CPLANE1: variants seen among roughly 807,000 people sequenced by gnomAD.
CPLANE1 encodes the protein ciliogenesis and planar polarity effector 1.
In CPLANE1, 263 loss-of-function variants were observed where a neutral mutation model predicts 362.5. That is an observed-to-expected ratio of 0.73 (90% CI 0.66 to 0.80). The LOEUF is 0.80. CPLANE1 is among the 30% of genes least tolerant of loss of function. The probability of loss-of-function intolerance (pLI) is 0.00; values close to 1 mark genes in which losing one functional copy is unlikely to be tolerated. For synonymous variants in CPLANE1, 1,212 were observed against 1,302.6 expected (o/e 0.93, Z 1.50); for missense variants, 3,461 against 3,793.4 (o/e 0.91, Z 2.30).
At chr5:37,077,157 G>T in the CPLANE1 span, among the ~76,000 whole-genome samples, 2 of 152,120 alleles carry the variant, frequency 1.3e-5, no homozygotes, top group Non-Finnish European at 2.9e-5. Context: ...CTTGCTTGGG[G>T]TATAGGTGCT....
At chr5:37,148,145 C>G in intron 43 of CPLANE1, 36 bp downstream of exon 43, 1 of 1,512,366 alleles carries the variant, frequency 6.6e-7, no homozygotes, top group Non-Finnish European at 9.1e-7. Context: ...TCAACTAAAG[C>G]AAGACTTCAG....
At chr5:37,137,037 C>G (rs1767934628) in intron 46 of CPLANE1, among the ~76,000 whole-genome samples, 1 of 152,210 alleles carries the variant, frequency 6.6e-6, no homozygotes, top group Non-Finnish European at 1.5e-5. Context: ...ATGGAAATTT[C>G]TGCACTGAGC....
rs1779363090 is a variant in CPLANE1, at chr5:37,170,124, TC to T, written c.6378del (p.Asn2127ThrfsTer40). The T allele has an allele frequency of 6.2e-7, 1 of 1,614,060 alleles. No individual in the cohort carries two copies. The highest frequency in any genetic ancestry group is 8.5e-7 in the Non-Finnish European group (1 of 1,180,040). On this transcript the variant is annotated frameshift_variant, in exon 33 of 53. Coordinates refer to ENST00000651892, the MANE Select transcript of CPLANE1 (RefSeq NM_001384732.1). LOFTEE classifies it high-confidence loss of function. ...CTGTTCTTGCGAGGCTCTCTGGCGT[TC>T]TCTCCCATTGACTGTGGTTTAATAA... The part of the protein sequence containing the change: ...RFFIKPQSMG[E>X]NAREPRKNSP...
chr5:37,231,092 C>T (rs771742381), intron 8 of CPLANE1, 43 bp from the exon 9 acceptor site: 28 of 1,400,734 alleles, frequency 2.0e-5, no homozygotes, highest in Admixed American at 8.6e-5. Flanking sequence ...AGATACTTTA[C>T]AATGTCTATG....
At position 37,226,609 on chromosome 5, in the gene CPLANE1, C is replaced by T; in HGVS notation, c.1986G>A (p.Lys662=). 6.4e-7 allele frequency: 1 copy of T among 1,551,404 alleles called. No homozygotes were observed. Residue 662 remains lysine (K), a synonymous_variant, in exon 12 of 53, where the codon AAG becomes AAA. Coordinates refer to ENST00000651892, the MANE Select transcript of CPLANE1 (RefSeq NM_001384732.1). ...AAAGTTTTACAGTATTTGAGGTCAG[C>T]TTTATCAAATGCCCCACATCTTGTT... The part of the protein sequence containing the change: ...RYKQDVGHLI[K]LTSNTVKLLL...
At chr5:37,206,450 A>G (rs1561601642) in intron 16 of CPLANE1, 25 bp from the exon 17 acceptor site, 1 of 1,394,832 alleles carries the variant, frequency 7.2e-7, no homozygotes, top group Non-Finnish European at 9.9e-7. Context: ...TTAAAAATGG[A>G]TTATTACAAT....
Position 37,206,430 on chromosome 5 carries a change from G to A in CPLANE1, c.2921-5C>T. On this transcript the variant is annotated splice_region_variant and splice_polypyrimidine_tract_variant and intron_variant, in intron 16 of 52. Transcript: ENST00000651892. ...GAATAAGTCGAAAGGACTGCTCTGT[G>A]AGTAAATTTTTAAAAATGGATTATT... 6.5e-7 allele frequency: 1 copy of A among 1,532,806 alleles called. No individual in the cohort carries two copies. The highest frequency in any genetic ancestry group is 8.8e-7 in the Non-Finnish European group (1 of 1,130,482). The allele number at this position is 1,532,806 out of a possible 1,614,324, so 95.0% of individuals were successfully genotyped here.
downstream of CPLANE1, among the ~76,000 whole-genome samples, chr5:37,105,115 A>T (rs1020670794): frequency 1.3e-5 from 2 of 152,074 alleles, no homozygotes; most frequent in African/African-American, 4.8e-5. Flanking sequence ...GAGCCTGGGC[A>T]ACATGAAACA....
intron 29 of CPLANE1, 89 bp downstream of exon 29, chr5:37,179,272 T>C (rs1782041133): frequency 1.4e-5 from 12 of 848,980 alleles, no homozygotes; most frequent in South Asian, 5.1e-5. Context: ...TGCTTTGATA[T>C]ATTTAATAAC....
intron 12 of CPLANE1, among the ~76,000 whole-genome samples, chr5:37,225,095 G>T: frequency 6.6e-6 from 1 of 151,282 alleles, no homozygotes. Flanking sequence ...CTGGGAGACA[G>T]GGTCTTGCTC....
At chr5:37,213,851 C>T in intron 15 of CPLANE1, 119 bp from the exon 16 acceptor site, 1 of 681,402 alleles carries the variant, frequency 1.5e-6, no homozygotes, top group African/African-American at 1.8e-5. Flanking sequence ...AGATAAGCAC[C>T]CATGGCCAAT....
intron 44 of CPLANE1, chr5:37,141,921 A>G (rs896617630): frequency 4.9e-5 from 27 of 554,424 alleles, no homozygotes; most frequent in Middle Eastern, 9.1e-4. Context: ...TATGCATATA[A>G]AACAGTGATG....
intron 46 of CPLANE1, among the ~76,000 whole-genome samples, chr5:37,134,794 CTT>C (rs372028750): frequency 5.1e-4 from 68 of 133,082 alleles, no homozygotes; most frequent in Admixed American, 2.7e-3. Flanking sequence ...AAACTTTCCA[CTT>C]TTTTTTTTTT....
At chr5:37,238,744 T>C (rs2150680151) in intron 8 of CPLANE1, 113 bp downstream of exon 8, 1 of 484,292 alleles carries the variant, frequency 2.1e-6, no homozygotes, top group South Asian at 5.1e-5. Context: ...AGTGATCCTC[T>C]CACCTTGGTT....
the CPLANE1 span, among the ~76,000 whole-genome samples, chr5:37,081,258 C>A: frequency 6.6e-6 from 1 of 152,120 alleles, no homozygotes; most frequent in Non-Finnish European, 1.5e-5. Context: ...GACTTTAAAG[C>A]AGCTATTTTA....
chr5:37,085,004 G>C, the CPLANE1 span: 1 of 583,922 alleles, frequency 1.7e-6, no homozygotes, highest in Non-Finnish European at 3.1e-6. Flanking sequence ...CAGCAGTTTA[G>C]AATTCTTACA....
At chr5:37,208,687 CAA>C (rs35854295) in intron 16 of CPLANE1, among the ~76,000 whole-genome samples, 1,202 of 86,900 alleles carry the variant, frequency 0.014, 26 homozygotes, top group African/African-American at 0.042. Flanking sequence ...CCCCCCCCCC[CAA>C]AAAAAAAAAA....
chr5:37,155,724 T>C (rs1357405220), intron 41 of CPLANE1, among the ~76,000 whole-genome samples: 3 of 152,230 alleles, frequency 2.0e-5, no homozygotes, highest in Admixed American at 6.5e-5. Flanking sequence ...TACTGCAAAA[T>C]CTATTCTCTC....
At chr5:37,146,265 G>A (rs1047240913) in intron 43 of CPLANE1, among the ~76,000 whole-genome samples, 13 of 151,594 alleles carry the variant, frequency 8.6e-5, no homozygotes, top group East Asian at 1.9e-4. Context: ...TGCAAGCTCC[G>A]CCTCCTGAGT....
Sources: gnomAD v4.1 joint callset for allele counts (sites outside exome capture counted in the v4.1 genomes callset) on GRCh38, gnomAD v4.1.1 for gene constraint, MANE v1.5 for transcripts, NCBI Gene and HGNC (gene_info 2026-07-23, HGNC 2026-07-21) for gene names.